The following MYO18B variants were observed in gnomAD, a reference collection of about 807,000 sequenced individuals.
MYO18B encodes unconventional myosin-XVIIIb.
MYO18B carries 204 observed loss-of-function variants against 273.0 expected under a neutral mutation model. The ratio of observed to expected loss-of-function variants is 0.75; its 90% CI spans 0.67 to 0.84. The LOEUF is 0.84. MYO18B is among the 40% of genes least tolerant of loss of function. The pLI, the probability that MYO18B is intolerant of heterozygous loss-of-function variation, is 0.00. For synonymous variants in MYO18B, 1,330 were observed against 1,305.7 expected, an observed-to-expected ratio of 1.02 and a Z score of -0.40; for missense variants, 3,212 against 3,287.6, an observed-to-expected ratio of 0.98 and a Z score of 0.56.
intron 29 of MYO18B, chr22:25,900,451 A>G (rs534398229): frequency 6.6e-6 from 1 of 152,234 alleles, no homozygotes; most frequent in Non-Finnish European, 1.5e-5. Flanking sequence ...ATGCCTCCAC[A>G]TTGGTAGAGT....
intron 11 of MYO18B, among the ~76,000 whole-genome samples, chr22:25,792,507 T>TTTTTTTC (rs2087721064): frequency 7.2e-6 from 1 of 138,136 alleles, no homozygotes; most frequent in Non-Finnish European, 1.6e-5. Flanking sequence ...CTTTTTTTTT[T>TTTTTTTC]TTTTTTGAGA....
At position 25,763,269 on chromosome 22, in the gene MYO18B, CCCT is replaced by C; in HGVS notation, c.83_85del (p.Pro28del). ...ACAAGAGCCCTCCACCATCCTCGCCCCCTCCTCTTTTCTCTGTCATCCCAGGGG... is the reference window on the plus strand; with the variant it reads ...ACAAGAGCCCTCCACCATCCTCGCCCCCTCTTTTCTCTGTCATCCCAGGGG... On this transcript the variant is annotated inframe_deletion, in exon 3 of 44. Coordinates refer to ENST00000335473, the MANE Select transcript of MYO18B (RefSeq NM_032608.7). 4 of 1,611,856 alleles carry C rather than the reference CCCT, an allele frequency of 2.5e-6. No homozygotes were observed. The highest frequency in any genetic ancestry group is 3.4e-6 in the Non-Finnish European group (4 of 1,179,004).
chr22:26,030,705 G>A lies in MYO18B; in HGVS notation c.*275G>A. 1 of 383,224 alleles carries A rather than the reference G, an allele frequency of 2.6e-6. No homozygotes were observed. The highest frequency in any genetic ancestry group is 4.6e-6 in the Non-Finnish European group (1 of 216,642). The allele number at this position is 383,224 out of a possible 1,614,324, so 23.7% of individuals were successfully genotyped here. On this transcript the variant is annotated 3_prime_UTR_variant, in exon 44 of 44. Transcript: ENST00000335473. Reference sequence around the variant, plus strand: ...CCAGAGAGTTGATGGGGTGCAGATAGGGGTAGGACTGTTAGAATAGAACCA... The same window carrying A: ...CCAGAGAGTTGATGGGGTGCAGATAAGGGTAGGACTGTTAGAATAGAACCA...
chr22:25,964,781 C>T (rs2092958975), intron 39 of MYO18B: 1 of 152,224 alleles, frequency 6.6e-6, no homozygotes, highest in African/African-American at 2.4e-5. Flanking sequence ...TGATAACTCC[C>T]CATTTTACAG....
rs536356162 is a variant in MYO18B at position 25,971,689 on chromosome 22, G to A, written c.6156+16325G>A. On this transcript the variant is annotated intron_variant, in intron 39 of 43. Coordinates refer to ENST00000335473, the MANE Select transcript of MYO18B (RefSeq NM_032608.7). ...ACTATTTCGTTTCCATCACAAAGGC[G>A]CGGCCTCAGTTAGGAAATCCCAAGT... 1.1e-4 allele frequency among the ~76,000 whole-genome samples: 17 copies of A among 152,282 alleles called. 2 individuals are homozygous for A. The South Asian group carries it at 2.9e-3, about 26-fold the overall frequency.
At position 26,026,941 on chromosome 22, in the gene MYO18B, T is replaced by G; in HGVS notation, c.6967T>G (p.Ser2323Ala). Reference sequence around the variant, plus strand: ...AGGGGCCGCTGGTGGTCTCTTGAGGTCCACCAGCCTCAAATGCATCTCTTC... The same window carrying G: ...AGGGGCCGCTGGTGGTCTCTTGAGGGCCACCAGCCTCAAATGCATCTCTTC... ...IEGAAGGLLR[S>A]TSLKCISSDG... The change falls in exon 43 of 44, where the codon TCC (serine) becomes GCC (alanine). Residue 2323 changes from serine (S) to alanine (A), a missense_variant. Physicochemically the swap from Ser to Ala is moderately conservative, Grantham distance 99. Coordinates refer to ENST00000335473, the MANE Select transcript of MYO18B (RefSeq NM_032608.7). 1 of 1,613,590 alleles carries G rather than the reference T, an allele frequency of 6.2e-7. No homozygotes were observed. Among genetic ancestry groups the G allele is most frequent in the African/African-American group, 1.3e-5 (1 of 74,960 alleles).
Position 25,832,838 on chromosome 22 carries a change from C to T in MYO18B, c.2980-79C>T, listed in dbSNP as rs11090413. The T allele has an allele frequency of 0.32, 422,130 of 1,311,420 alleles. 73,733 individuals carry two copies. Among genetic ancestry groups the T allele is most frequent in the Non-Finnish European group, 0.35 (325,285 of 917,684 alleles). The allele number at this position is 1,311,420 out of a possible 1,614,324, so 81.2% of individuals were successfully genotyped here. A position where few individuals can be genotyped will look rare whatever the true frequency, so the allele number is the denominator to read the frequency against. On this transcript the variant is annotated intron_variant, in intron 15 of 43. Coordinates refer to ENST00000335473, the MANE Select transcript of MYO18B (RefSeq NM_032608.7). ...GCCAAGAGGTGATGGAAATCCTCTC[C>T]GCTTTTTCCTTCTTCAGAAGTTTTC...
At chr22:25,939,493 A>G (rs1207400121) in intron 34 of MYO18B, among the ~76,000 whole-genome samples, 1 of 152,196 alleles carries the variant, frequency 6.6e-6, no homozygotes, top group Non-Finnish European at 1.5e-5. Context: ...TCATAGTCTC[A>G]GCAAAAATCT....
chr22:26,036,378 G>A, the MYO18B span, among the ~76,000 whole-genome samples: 1 of 152,196 alleles, frequency 6.6e-6, no homozygotes, highest in African/African-American at 2.4e-5. Flanking sequence ...TGTCTGTGAG[G>A]AGATAGGCAC....
At chr22:25,837,376 A>C (rs9624915) in intron 17 of MYO18B, among the ~76,000 whole-genome samples, 34,758 of 152,144 alleles carry the variant, frequency 0.23, 4,836 homozygotes, top group Admixed American at 0.31. Flanking sequence ...AGCCAGGAGA[A>C]TATGACTCCC....
chr22:25,924,696 G>A (rs1569196794), intron 34 of MYO18B, among the ~76,000 whole-genome samples: 1 of 152,190 alleles, frequency 6.6e-6, no homozygotes, highest in Non-Finnish European at 1.5e-5. Flanking sequence ...GGGAGGTTGT[G>A]AGCGAAGCGT....
chr22:25,887,626 T>G (rs2146260571), intron 25 of MYO18B, among the ~76,000 whole-genome samples: 1 of 152,258 alleles, frequency 6.6e-6, no homozygotes, highest in South Asian at 2.1e-4. Context: ...TAAATTGGTT[T>G]TCAATTTGCA....
At chr22:25,815,959 C>T (rs987256767) in intron 12 of MYO18B, among the ~76,000 whole-genome samples, 4 of 152,192 alleles carry the variant, frequency 2.6e-5, no homozygotes, top group African/African-American at 9.7e-5. Flanking sequence ...AACTCAGCAT[C>T]AATTTATAGA....
chr22:25,786,904 C>A (rs2087414192), intron 11 of MYO18B, among the ~76,000 whole-genome samples: 1 of 152,124 alleles, frequency 6.6e-6, no homozygotes, highest in Admixed American at 6.5e-5. Flanking sequence ...TGAAAATATG[C>A]TCAACATCAT....
At chr22:25,918,280 A>C (rs1198983245) in intron 33 of MYO18B, among the ~76,000 whole-genome samples, 1 of 152,180 alleles carries the variant, frequency 6.6e-6, no homozygotes, top group Admixed American at 6.5e-5. Context: ...ACCATATTTT[A>C]ATAGTGTTTG....
At chr22:25,848,995 G>A (rs1013685890) in intron 20 of MYO18B, among the ~76,000 whole-genome samples, 4 of 152,230 alleles carry the variant, frequency 2.6e-5, no homozygotes, top group African/African-American at 9.6e-5. Flanking sequence ...CCCTCACTCC[G>A]CTGAGCATAT....
chr22:25,888,851 G>A (rs1032880094), intron 25 of MYO18B, among the ~76,000 whole-genome samples: 2 of 152,160 alleles, frequency 1.3e-5, no homozygotes, highest in South Asian at 2.1e-4. Flanking sequence ...TCGGTGATGC[G>A]GTCAACAGGG....
Position 26,027,191 on chromosome 22 carries a change from TC to T in MYO18B, c.7219del (p.Gln2407ArgfsTer8). The T allele has an allele frequency of 6.2e-7, 1 of 1,613,940 alleles. No individual in the cohort carries two copies. Among genetic ancestry groups the T allele is most frequent in the Non-Finnish European group, 8.5e-7 (1 of 1,179,868 alleles). On this transcript the variant is annotated frameshift_variant, in exon 43 of 44. Transcript: ENST00000335473. LOFTEE classifies it low-confidence loss of function (END_TRUNC). The surrounding 1 kb of genome is among the most constrained non-coding windows in gnomAD (Gnocchi z 4.1). ...CPDLGKEPLV[F>X]QNRQFAHLME... ...GACCTTGGAAAGGAGCCGCTTGTTT[TC>T]CAGAACCGCCAGTTTGCCCACCTGA...
chr22:25,802,539 A>G (rs1348645804), intron 12 of MYO18B, among the ~76,000 whole-genome samples: 1 of 152,060 alleles, frequency 6.6e-6, no homozygotes, highest in Admixed American at 6.6e-5. Context: ...TCACAAGGTC[A>G]GGAGATCGAG....
Sources: allele counts gnomAD v4.1 joint callset (sites outside exome capture counted in the v4.1 genomes callset), GRCh38; gene constraint gnomAD v4.1.1; non-coding constraint Gnocchi (gnomAD v3.1); transcripts MANE v1.5; gene names NCBI Gene and HGNC (gene_info 2026-07-23, HGNC 2026-07-21).